The following SHC4 variants were observed in gnomAD, a reference collection of about 807,000 sequenced individuals.
The protein encoded by SHC4 is SHC-transforming protein 4.
A neutral mutation model predicts 69.4 loss-of-function variants in SHC4; 41 were observed. That is an observed-to-expected ratio of 0.59 (90% CI 0.46 to 0.77). SHC4 has a LOEUF of 0.77. Ranked by LOEUF, SHC4 falls within the 30% of genes least tolerant of loss-of-function variation. SHC4 has a pLI of 0.00. For missense variants in SHC4, 777 were observed against 783.8 expected, an observed-to-expected ratio of 0.99 and a Z score of 0.10; for synonymous variants, 318 against 299.3, an observed-to-expected ratio of 1.06 and a Z score of -0.64.
intron 5 of SHC4, among the ~76,000 whole-genome samples, chr15:48,870,977 A>G (rs1899663776): frequency 6.6e-6 from 1 of 152,190 alleles, no homozygotes; most frequent in African/African-American, 2.4e-5. Flanking sequence ...GAAAACTACC[A>G]TGGTATCAGC....
chr15:48,836,766 C>T (rs1341415162), intron 10 of SHC4, among the ~76,000 whole-genome samples: 2 of 152,172 alleles, frequency 1.3e-5, no homozygotes, highest in Non-Finnish European at 2.9e-5. Flanking sequence ...TTCAATTCTA[C>T]TGTTAATACG....
intron 11 of SHC4, among the ~76,000 whole-genome samples, chr15:48,833,143 T>G (rs1241807811): frequency 6.6e-6 from 1 of 152,096 alleles, no homozygotes; most frequent in Non-Finnish European, 1.5e-5. Flanking sequence ...AACAGCCACC[T>G]CTCCCTTTCC....
At chr15:48,927,417 T>C (rs372961462) in intron 1 of SHC4, among the ~76,000 whole-genome samples, 1 of 152,184 alleles carries the variant, frequency 6.6e-6, no homozygotes, top group East Asian at 1.9e-4. Context: ...AAATCACCGA[T>C]TGAAGACAAG....
chr15:48,875,023 T>C (rs11635924), intron 4 of SHC4, among the ~76,000 whole-genome samples: 56,640 of 152,092 alleles, frequency 0.37, 11,483 homozygotes, highest in Middle Eastern at 0.55. Flanking sequence ...GAGAGGTTCT[T>C]TGAAAAGGGG....
chr15:48,833,426 C>A (rs1898841882), intron 11 of SHC4, among the ~76,000 whole-genome samples: 1 of 152,192 alleles, frequency 6.6e-6, no homozygotes, highest in African/African-American at 2.4e-5. Flanking sequence ...TGCCAGCTTC[C>A]TTTCAGTGCC....
chr15:48,858,241 T>C (rs1899370229), intron 6 of SHC4, among the ~76,000 whole-genome samples: 1 of 152,192 alleles, frequency 6.6e-6, no homozygotes, highest in South Asian at 2.1e-4. Context: ...TGAAAAAATA[T>C]GACTTTCCAA....
chr15:48,856,433 A>G (rs574298161), intron 7 of SHC4, among the ~76,000 whole-genome samples: 1 of 152,360 alleles, frequency 6.6e-6, no homozygotes, highest in South Asian at 2.1e-4. Flanking sequence ...TATTTTTGTC[A>G]TAAGATCATA....
intron 9 of SHC4, among the ~76,000 whole-genome samples, chr15:48,844,862 G>T (rs1367983394): frequency 6.6e-6 from 1 of 151,948 alleles, no homozygotes; most frequent in African/African-American, 2.4e-5. Context: ...CTTCTGCCAT[G>T]ATTGTGAGGC....
intron 4 of SHC4, chr15:48,878,026 A>G (rs1233057413): frequency 2.1e-6 from 2 of 970,374 alleles, no homozygotes; most frequent in Non-Finnish European, 3.0e-6. Context: ...CTCCAACCAC[A>G]GTGGCGCGCC....
At chr15:48,860,188 T>C (rs77951869) in intron 6 of SHC4, among the ~76,000 whole-genome samples, 6,587 of 152,218 alleles carry the variant, frequency 0.043, 281 homozygotes, top group East Asian at 0.22. Flanking sequence ...AATCCTTTTG[T>C]TTTTAATCTC....
intron 1 of SHC4, among the ~76,000 whole-genome samples, chr15:48,939,606 C>A (rs933264658): frequency 2.6e-5 from 4 of 152,170 alleles, no homozygotes; most frequent in Admixed American, 1.3e-4. Context: ...ATGTGACACA[C>A]AGTAGGCTCT....
chr15:48,871,662 T>C (rs1220111795), intron 5 of SHC4, among the ~76,000 whole-genome samples: 1 of 152,208 alleles, frequency 6.6e-6, no homozygotes, highest in African/African-American at 2.4e-5. Flanking sequence ...CAGATTAGAC[T>C]TAGTTGACTT....
chr15:48,858,459 T>C (rs991168979), intron 6 of SHC4, among the ~76,000 whole-genome samples: 6 of 152,152 alleles, frequency 3.9e-5, no homozygotes, highest in Non-Finnish European at 7.4e-5. Context: ...CCAGAAGATA[T>C]GAGAGTTTAT....
At chr15:48,860,000 T>C (rs1350532814) in intron 6 of SHC4, among the ~76,000 whole-genome samples, 2 of 151,950 alleles carry the variant, frequency 1.3e-5, no homozygotes, top group African/African-American at 4.8e-5. Flanking sequence ...CACCTGTGAA[T>C]AGCCACTGCA....
intron 10 of SHC4, among the ~76,000 whole-genome samples, chr15:48,840,429 G>A (rs1898970070): frequency 6.6e-6 from 1 of 152,170 alleles, no homozygotes; most frequent in Admixed American, 6.5e-5. Flanking sequence ...ATACCTGAGA[G>A]ACATTAGGTT....
chr15:48,865,494 G>C (rs1159186748), intron 6 of SHC4, among the ~76,000 whole-genome samples: 1 of 152,176 alleles, frequency 6.6e-6, no homozygotes, highest in Non-Finnish European at 1.5e-5. Context: ...TGTAATAAGG[G>C]AGGAAAGAAA....
chr15:48,934,647 A>G (rs1305273628), intron 1 of SHC4, among the ~76,000 whole-genome samples: 1 of 152,186 alleles, frequency 6.6e-6, no homozygotes, highest in African/African-American at 2.4e-5. Context: ...CTTGCACCTA[A>G]ATGTTCATAG....
At chr15:48,916,950 G>A (rs1035872144) in intron 2 of SHC4, among the ~76,000 whole-genome samples, 11 of 152,150 alleles carry the variant, frequency 7.2e-5, no homozygotes, top group East Asian at 1.9e-4. Flanking sequence ...TCCGCCCCTC[G>A]GGGTGAATTA....
In SHC4 at chr15:48,953,504, T is replaced by C. The variant is rs147232239; in HGVS notation, c.585+8927A>G. 1.1e-3 allele frequency among the ~76,000 whole-genome samples: 162 copies of C among 152,270 alleles called. 1 individual carries two copies. The highest frequency in any genetic ancestry group is 3.8e-3 in the African/African-American group (159 of 41,554). On this transcript the variant is annotated intron_variant, in intron 1 of 11. Coordinates refer to ENST00000332408, the MANE Select transcript of SHC4 (RefSeq NM_203349.4). The stretch of plus-strand genomic sequence containing the variant: ...TTTCAATACTGATGCTTGCTACTTA[T>C]AAGCATCAAGGCCAGACAATGGGCC...
Sources: allele counts gnomAD v4.1 joint callset (sites outside exome capture counted in the v4.1 genomes callset), GRCh38; gene constraint gnomAD v4.1.1; transcripts MANE v1.5; gene names NCBI Gene and HGNC (gene_info 2026-07-23, HGNC 2026-07-21).